The following CMIP variants were observed in gnomAD, a reference collection of about 807,000 sequenced individuals.
The protein encoded by CMIP is C-Maf-inducing protein.
In CMIP, 13 loss-of-function variants were observed where a neutral mutation model predicts 97.3. The ratio of observed to expected loss-of-function variants is 0.13; its 90% CI spans 0.09 to 0.21. The LOEUF is 0.21. Ranked by LOEUF, CMIP falls within the 10% of genes least tolerant of loss-of-function variation. CMIP has a pLI of 1.00. For synonymous variants in CMIP, 538 were observed against 436.3 expected, an observed-to-expected ratio of 1.23 and a Z score of -2.91; for missense variants, 847 against 1,024.9, an observed-to-expected ratio of 0.83 and a Z score of 2.37.
intron 10 of CMIP, among the ~76,000 whole-genome samples, chr16:81,686,234 G>A (rs1905371788): frequency 6.6e-6 from 1 of 152,206 alleles, no homozygotes; most frequent in Admixed American, 6.5e-5. Flanking sequence ...GGGAGGAAAG[G>A]AGGAAGGTGA....
intron 1 of CMIP, among the ~76,000 whole-genome samples, chr16:81,507,240 C>G (rs1392460941): frequency 6.6e-6 from 1 of 152,206 alleles, no homozygotes; most frequent in Non-Finnish European, 1.5e-5. Flanking sequence ...GGTGACAGAG[C>G]TAGACTCTGT....
intron 1 of CMIP, among the ~76,000 whole-genome samples, chr16:81,500,831 C>G (rs982729279): frequency 6.6e-6 from 1 of 152,118 alleles, no homozygotes; most frequent in Non-Finnish European, 1.5e-5. Flanking sequence ...CCTTCCCTTC[C>G]TCCCTCCCTT....
At chr16:81,521,739 A>G (rs536876878) in intron 1 of CMIP, among the ~76,000 whole-genome samples, 76 of 152,216 alleles carry the variant, frequency 5.0e-4, no homozygotes, top group Non-Finnish European at 8.5e-4. Context: ...TGAAGCTCCT[A>G]TGATACCTTG....
intron 1 of CMIP, among the ~76,000 whole-genome samples, chr16:81,490,260 T>C (rs1348985009): frequency 6.6e-6 from 1 of 152,220 alleles, no homozygotes; most frequent in Non-Finnish European, 1.5e-5. Context: ...GAATGATGTT[T>C]CTGTTCTCGT....
chr16:81,475,045 A>G (rs1227979319), intron 1 of CMIP, among the ~76,000 whole-genome samples: 1 of 152,188 alleles, frequency 6.6e-6, no homozygotes, highest in East Asian at 1.9e-4. Flanking sequence ...TTGTGGCTTC[A>G]TGAATGGAGC....
chr16:81,504,006 G>T (rs2089659021), intron 1 of CMIP, among the ~76,000 whole-genome samples: 1 of 152,208 alleles, frequency 6.6e-6, no homozygotes, highest in South Asian at 2.1e-4. Flanking sequence ...GCTTGGGAAG[G>T]TTCAGTTATT....
At chr16:81,589,034 C>T (rs1190219651) in intron 1 of CMIP, among the ~76,000 whole-genome samples, 1 of 152,074 alleles carries the variant, frequency 6.6e-6, no homozygotes, top group Non-Finnish European at 1.5e-5. Context: ...TATGAAAGGC[C>T]ATAAACATAT....
intron 1 of CMIP, among the ~76,000 whole-genome samples, chr16:81,454,256 A>G (rs1397753577): frequency 2.6e-5 from 4 of 152,156 alleles, no homozygotes; most frequent in African/African-American, 9.7e-5. Flanking sequence ...TTTCACAACA[A>G]TCCTGTGGGG....
rs183286458 is a variant in CMIP, at chr16:81,481,178, C to T, written c.300+35637C>T. Among the ~76,000 whole-genome samples the T allele has an allele frequency of 4.5e-4, 69 of 152,300 alleles. No homozygotes were observed. In the East Asian group the frequency reaches 0.011, roughly 25 times the overall value. On this transcript the variant is annotated intron_variant, in intron 1 of 20. Coordinates refer to ENST00000537098, the MANE Select transcript of CMIP (RefSeq NM_198390.3). ...ATATTGTTGAGACCTGATAGCTGGG[C>T]GCCGTCTGGGGCTCTTAGGAATATG...
chr16:81,476,574 C>T (rs1907936794), intron 1 of CMIP: 13 of 532,800 alleles, frequency 2.4e-5, no homozygotes, highest in South Asian at 2.3e-4. Flanking sequence ...GGCCATGTTT[C>T]CTAGATTGTA....
rs992315622 is a variant in CMIP, at chr16:81,703,991, A to G, written c.1997A>G (p.Asn666Ser). 1.2e-6 allele frequency: 2 copies of G among 1,602,322 alleles called. No homozygotes were observed. The highest frequency in any genetic ancestry group is 1.7e-6 in the Non-Finnish European group (2 of 1,175,314). Reference sequence around the variant, plus strand: ...TCCGGCTCCTTCGGAAACCTGGAGAACCTCAGTTTGGCCTTCACCAATGTA... The same window carrying G: ...TCCGGCTCCTTCGGAAACCTGGAGAGCCTCAGTTTGGCCTTCACCAATGTA... ...LSSGSFGNLE[N>S]LSLAFTNVTS... is the part of the protein sequence containing the mutation. Residue 666 changes from asparagine to serine, a missense_variant, in exon 18 of 21, where the codon AAC becomes AGC. By Grantham distance (46) the Asn-to-Ser change is conservative. Coordinates refer to ENST00000537098, the MANE Select transcript of CMIP (RefSeq NM_198390.3).
At chr16:81,535,632 T>G (rs1172805840) in intron 1 of CMIP, among the ~76,000 whole-genome samples, 3 of 152,110 alleles carry the variant, frequency 2.0e-5, no homozygotes, top group African/African-American at 7.2e-5. Context: ...AATAATACAA[T>G]TATTATTATT....
intron 3 of CMIP, among the ~76,000 whole-genome samples, chr16:81,644,481 C>A (rs1053642560): frequency 6.6e-6 from 1 of 152,070 alleles, no homozygotes; most frequent in African/African-American, 2.4e-5. Context: ...GCCAAAAGGG[C>A]AGTTTGGGGG....
At chr16:81,597,783 A>G (rs2150928104) in intron 1 of CMIP, among the ~76,000 whole-genome samples, 1 of 152,278 alleles carries the variant, frequency 6.6e-6, no homozygotes, top group East Asian at 1.9e-4. Flanking sequence ...CCAGTGGCAC[A>G]TATGAAAAGT....
intron 20 of CMIP, among the ~76,000 whole-genome samples, chr16:81,709,474 T>C (rs1452006618): frequency 6.6e-6 from 1 of 152,134 alleles, no homozygotes; most frequent in East Asian, 1.9e-4. Context: ...CAAACCCCAG[T>C]GCTTCCACCT....
chr16:81,486,064 C>G (rs981108507), intron 1 of CMIP, among the ~76,000 whole-genome samples: 5 of 152,224 alleles, frequency 3.3e-5, no homozygotes, highest in Non-Finnish European at 5.9e-5. Flanking sequence ...GAGAGGGGCT[C>G]CCAAAGGCCA....
chr16:81,502,990 G>A (rs1310792450), intron 1 of CMIP, among the ~76,000 whole-genome samples: 1 of 152,118 alleles, frequency 6.6e-6, no homozygotes, highest in African/African-American at 2.4e-5. Flanking sequence ...GTGATGTCGT[G>A]GGATGTGGCT....
Position 81,614,119 on chromosome 16 carries a change from G to C in CMIP, c.426+6427G>C, listed in dbSNP as rs960343081. 3.9e-5 allele frequency among the ~76,000 whole-genome samples: 6 copies of C among 152,166 alleles called. No homozygotes were observed. The highest frequency in any genetic ancestry group is 1.2e-4 in the African/African-American group (5 of 41,440). On this transcript the variant is annotated intron_variant, in intron 2 of 20. Coordinates refer to ENST00000537098, the MANE Select transcript of CMIP (RefSeq NM_198390.3). This position sits in a 1 kb window ranked among gnomAD's most constrained non-coding sequence, Gnocchi z 5.3. ...ATCAAGACAGTCATTCTGGAGAAGT[G>C]GCATTTCAGGAGGGACCTGAAGTGT...
chr16:81,457,333 A>T (rs1906614431), intron 1 of CMIP, among the ~76,000 whole-genome samples: 1 of 151,958 alleles, frequency 6.6e-6, no homozygotes, highest in African/African-American at 2.4e-5. Flanking sequence ...TAAAAGCAAA[A>T]CTGAAGCCAT....
Sources: allele counts gnomAD v4.1 joint callset (sites outside exome capture counted in the v4.1 genomes callset), GRCh38; gene constraint gnomAD v4.1.1; non-coding constraint Gnocchi (gnomAD v3.1); transcripts MANE v1.5; gene names NCBI Gene and HGNC (gene_info 2026-07-23, HGNC 2026-07-21).